RUBCNL: variants seen among roughly 807,000 people sequenced by gnomAD.
The protein encoded by RUBCNL is protein associated with UVRAG as autophagy enhancer.
In RUBCNL, 62 loss-of-function variants were observed where a neutral mutation model predicts 69.5. The observed-to-expected ratio is 0.89, with a 90% CI of 0.73 to 1.10. RUBCNL has a LOEUF of 1.10. RUBCNL is among the 50% of genes least tolerant of loss of function. The probability of loss-of-function intolerance (pLI) is 0.00; values close to 1 mark genes in which losing one functional copy is unlikely to be tolerated. For synonymous variants in RUBCNL, 291 were observed against 303.6 expected (o/e 0.96, Z 0.43); for missense variants, 768 against 798.1 (o/e 0.96, Z 0.45).
chr13:46,379,873 C>G (rs2049081754), intron 1 of RUBCNL, among the ~76,000 whole-genome samples: 1 of 152,222 alleles, frequency 6.6e-6, no homozygotes, highest in Admixed American at 6.5e-5. Flanking sequence ...GGCAAAGATT[C>G]ACATCCCAAA....
In RUBCNL at chr13:46,368,663, A is replaced by T; in HGVS notation, c.618+70T>A. ...TGATTCATCAAATTGAAGTTTCCAG[A>T]TTTAAATCAGAACAACACTATCTAA... is the stretch of plus-strand genomic sequence containing the variant. On this transcript the variant is annotated intron_variant, in intron 4 of 14. Transcript: ENST00000429979. The T allele has an allele frequency of 7.7e-6, 11 of 1,428,502 alleles. 1 individual carries two copies. In the South Asian group the frequency reaches 1.4e-4, roughly 18 times the overall value. 88.5% of individuals were successfully genotyped at this position (1,428,502 alleles called of 1,614,324 possible). A position where few individuals can be genotyped will look rare whatever the true frequency, so the allele number is the denominator to read the frequency against.
At chr13:46,375,511 C>T (rs563229599) in intron 2 of RUBCNL, among the ~76,000 whole-genome samples, 4 of 152,004 alleles carry the variant, frequency 2.6e-5, no homozygotes, top group East Asian at 1.9e-4. Context: ...CCAGCCTGGA[C>T]GACAGCGAGA....
At chr13:46,354,733 C>T (rs928947199) in intron 10 of RUBCNL, 18 of 455,114 alleles carry the variant, frequency 4.0e-5, no homozygotes, top group Non-Finnish European at 6.2e-5. Flanking sequence ...TCTTTTGTTA[C>T]GTACATCACT....
chr13:46,335,257 GTTGTT>G lies in RUBCNL; in HGVS notation c.*8123_*8127del, dbSNP rs2048097490. 1.0e-5 allele frequency among the ~76,000 whole-genome samples: 1 copy of G among 98,590 alleles called. No homozygotes were observed. The highest frequency in any genetic ancestry group is 3.5e-4 in the South Asian group (1 of 2,858). 64.7% of individuals were successfully genotyped at this position (98,590 alleles called of 152,430 possible). On this transcript the variant is annotated 3_prime_UTR_variant, in exon 15 of 15. Coordinates refer to ENST00000429979, the MANE Select transcript of RUBCNL (RefSeq NM_025113.5). ...TTTGTGTCTTTTTGTTGTTGTTGTT[GTTGTT>G]TTTTTTTTTTTTTTTTTTTTTTTAA...
At chr13:46,374,571 C>A in intron 2 of RUBCNL, 1 of 152,314 alleles carries the variant, frequency 6.6e-6, no homozygotes, top group Non-Finnish European at 1.5e-5. Flanking sequence ...TTGATCTTAG[C>A]CAAAAGGCCG....
intron 1 of RUBCNL, among the ~76,000 whole-genome samples, chr13:46,381,546 A>T (rs758279510): frequency 1.3e-5 from 2 of 152,178 alleles, no homozygotes; most frequent in Non-Finnish European, 2.9e-5. Flanking sequence ...ATTTGTGAAT[A>T]CACTGAAAAT....
rs1042368282 is a variant in RUBCNL, at chr13:46,334,920, T to C, written c.*8465A>G. 6.6e-6 allele frequency among the ~76,000 whole-genome samples: 1 copy of C among 152,096 alleles called. No individual in the cohort carries two copies. Among genetic ancestry groups the C allele is most frequent in the Non-Finnish European group, 1.5e-5 (1 of 68,002 alleles). ...AATTCTGGATCACTTAGACTCACTG[T>C]ACCCCAAAGGAAAGTGGGGGAAGAT... is the stretch of plus-strand genomic sequence containing the variant. On this transcript the variant is annotated 3_prime_UTR_variant, in exon 15 of 15. Transcript: ENST00000429979.
chr13:46,367,707 A>G (rs910323122), intron 5 of RUBCNL, among the ~76,000 whole-genome samples: 1 of 152,180 alleles, frequency 6.6e-6, no homozygotes, highest in Non-Finnish European at 1.5e-5. Context: ...TATTCAATGA[A>G]AAGTTCCAGA....
rs554558671 is a variant in RUBCNL, at chr13:46,350,026, T to C, written c.1569+87A>G. 11 of 990,616 alleles carry C rather than the reference T, an allele frequency of 1.1e-5. No homozygotes were observed. In the East Asian group the frequency reaches 2.9e-4, roughly 26 times the overall value. The allele number at this position is 990,616 out of a possible 1,614,324, so 61.4% of individuals were successfully genotyped here. A position where few individuals can be genotyped will look rare whatever the true frequency, so the allele number is the denominator to read the frequency against. On this transcript the variant is annotated intron_variant, in intron 11 of 14. Transcript: ENST00000429979. ...ATCCATTTGCCTCTTAGAGGATGTA[T>C]CTGTGGGTTCCCCAAGCTAGTGTGA...
chr13:46,362,805 CA>C (rs1237573231), intron 6 of RUBCNL, among the ~76,000 whole-genome samples: 8 of 151,052 alleles, frequency 5.3e-5, no homozygotes, highest in African/African-American at 2.0e-4. Context: ...TCTGAAATTT[CA>C]CCAAAATATA....
At position 46,344,721 on chromosome 13, in the gene RUBCNL, GTTA is replaced by G; in HGVS notation, c.1876+17_1876+19del. 6.6e-7 allele frequency: 1 copy of G among 1,510,810 alleles called. No homozygotes were observed. Among genetic ancestry groups the G allele is most frequent in the Non-Finnish European group, 9.1e-7 (1 of 1,095,648 alleles). The allele number at this position is 1,510,810 out of a possible 1,614,324, so 93.6% of individuals were successfully genotyped here. ...TTAGTTAACCTATTATTAAGCTTATGTTATTAAGTTATTAAATACCTGAACATC... is the reference window on the plus strand; with the variant it reads ...TTAGTTAACCTATTATTAAGCTTATGTTAAGTTATTAAATACCTGAACATC... On this transcript the variant is annotated intron_variant, in intron 14 of 14. Coordinates refer to ENST00000429979, the MANE Select transcript of RUBCNL (RefSeq NM_025113.5).
rs767945199 is a variant in RUBCNL, at chr13:46,372,107, C to T, written c.369G>A (p.Lys123=). Residue 123 remains lysine, a synonymous_variant, in exon 3 of 15, where the codon AAG becomes AAA. Coordinates refer to ENST00000429979, the MANE Select transcript of RUBCNL (RefSeq NM_025113.5). ...GSASPHGSSE[K]SSSFSLSSTE... is the part of the protein sequence containing the mutation. ...TTGAGGACAGAGAGAAGCTGCTACT[C>T]TTTTCACTCGAGCCATGGGGAGAAG... The T allele has an allele frequency of 6.2e-7, 1 of 1,613,970 alleles. No homozygotes were observed. The highest frequency in any genetic ancestry group is 1.1e-5 in the South Asian group (1 of 91,082).
At chr13:46,384,863 G>A (rs993545328) in intron 1 of RUBCNL, among the ~76,000 whole-genome samples, 17 of 152,068 alleles carry the variant, frequency 1.1e-4, no homozygotes, top group African/African-American at 3.9e-4. Context: ...ATCATTTTAC[G>A]GGTTAGAAAA....
At position 46,359,493 on chromosome 13, in the gene RUBCNL, G is replaced by C; in HGVS notation, c.1258C>G (p.Pro420Ala). The change falls in exon 9 of 15, where the codon CCA becomes GCA. Residue 420 changes from proline to alanine, a missense_variant. Coordinates refer to ENST00000429979, the MANE Select transcript of RUBCNL (RefSeq NM_025113.5). Reference protein sequence around the residue: ...RFQIIFNIHPPLKRDLVVAAQ... With the variant: ...RFQIIFNIHPALKRDLVVAAQ... ...GCAACAGCCCATACTTACTTGAGTG[G>C]TGGATGAATATTAAATATGATTTGA... The C allele has an allele frequency of 6.2e-7, 1 of 1,603,466 alleles. No individual in the cohort carries two copies. The highest frequency in any genetic ancestry group is 8.5e-7 in the Non-Finnish European group (1 of 1,174,958).
chr13:46,355,182 A>C (rs919099032), intron 10 of RUBCNL, among the ~76,000 whole-genome samples: 2 of 152,140 alleles, frequency 1.3e-5, no homozygotes, highest in African/African-American at 4.8e-5. Flanking sequence ...CTTTCCACAA[A>C]GCTCCTCTTT....
intron 2 of RUBCNL, among the ~76,000 whole-genome samples, chr13:46,377,324 C>T (rs1455700696): frequency 1.3e-5 from 2 of 152,192 alleles, no homozygotes; most frequent in Non-Finnish European, 2.9e-5. Flanking sequence ...AGTGCAGTGG[C>T]ACGATCTCGG....
intron 5 of RUBCNL, among the ~76,000 whole-genome samples, chr13:46,364,626 T>G (rs1367440349): frequency 8.2e-6 from 1 of 122,692 alleles, no homozygotes; most frequent in East Asian, 3.0e-4. Context: ...TATGTTTAAC[T>G]GATAAAAAAA....
intron 12 of RUBCNL, among the ~76,000 whole-genome samples, chr13:46,347,538 C>T (rs2048272948): frequency 6.6e-6 from 1 of 152,102 alleles, no homozygotes; most frequent in Admixed American, 6.5e-5. Context: ...GACATGCCTC[C>T]CTATAAGGGG....
intron 1 of RUBCNL, among the ~76,000 whole-genome samples, chr13:46,381,463 A>C (rs1309528254): frequency 6.6e-6 from 1 of 152,246 alleles, no homozygotes; most frequent in African/African-American, 2.4e-5. Flanking sequence ...GGATGGGAAC[A>C]GCTAAAGGGT....
Sources: gnomAD v4.1 joint callset for allele counts (sites outside exome capture counted in the v4.1 genomes callset) on GRCh38, gnomAD v4.1.1 for gene constraint, MANE v1.5 for transcripts, NCBI Gene and HGNC (gene_info 2026-07-23, HGNC 2026-07-21) for gene names.